The following CDC42BPA variants were observed in gnomAD, a reference collection of about 807,000 sequenced individuals.
CDC42BPA encodes the protein serine/threonine-protein kinase MRCK alpha.
A neutral mutation model predicts 223.5 loss-of-function variants in CDC42BPA; 80 were observed. The ratio of observed to expected loss-of-function variants is 0.36; its 90% CI spans 0.30 to 0.43. The LOEUF (loss-of-function observed/expected upper bound fraction) is 0.43. CDC42BPA is among the 20% of genes least tolerant of loss of function. The pLI, the probability that CDC42BPA is intolerant of heterozygous loss-of-function variation, is 1.00. For missense variants in CDC42BPA, 1,743 were observed against 2,099.9 expected (o/e 0.83, Z 3.32); for synonymous variants, 694 against 718.6 (o/e 0.97, Z 0.55).
chr1:227,077,343 C>T (rs77597627), intron 17 of CDC42BPA, among the ~76,000 whole-genome samples: 7 of 152,240 alleles, frequency 4.6e-5, no homozygotes, highest in African/African-American at 1.7e-4. Context: ...ATGACCAGAA[C>T]ACTCTTATGT....
chr1:227,306,017 A>G (rs1692475318), intron 1 of CDC42BPA, among the ~76,000 whole-genome samples: 1 of 152,112 alleles, frequency 6.6e-6, no homozygotes, highest in South Asian at 2.1e-4. Flanking sequence ...AAACAGGATC[A>G]TATTAAAAAT....
intron 16 of CDC42BPA, among the ~76,000 whole-genome samples, chr1:227,085,760 G>T (rs1022817050): frequency 1.3e-5 from 2 of 152,198 alleles, no homozygotes; most frequent in Admixed American, 1.3e-4. Flanking sequence ...GCAAACAAGA[G>T]ATTTAAGTTT....
intron 9 of CDC42BPA, among the ~76,000 whole-genome samples, chr1:227,142,651 G>A (rs1659905689): frequency 6.7e-6 from 1 of 149,746 alleles, no homozygotes; most frequent in Non-Finnish European, 1.5e-5. Flanking sequence ...ACAGAGTCTC[G>A]CTCTGTCACC....
chr1:227,011,154 T>C, intron 34 of CDC42BPA: 2 of 580,266 alleles, frequency 3.4e-6, no homozygotes, highest in Non-Finnish European at 2.5e-6. Flanking sequence ...ACAAATGGAA[T>C]AGTATCTGAT....
In CDC42BPA at chr1:227,172,766, T is replaced by TA. The variant is rs1013400030; in HGVS notation, c.600-12131dup. ...TATTTCAAAATAAGGTTTTCTAAGCTAAAAAAAAATCATCTTGAGCAAATT... is the reference window on the plus strand; with the variant it reads ...TATTTCAAAATAAGGTTTTCTAAGCTAAAAAAAAAATCATCTTGAGCAAATT... On this transcript the variant is annotated intron_variant, in intron 5 of 36. Coordinates refer to ENST00000366766, the MANE Select transcript of CDC42BPA (RefSeq NM_001394014.1). 2.1e-4 allele frequency among the ~76,000 whole-genome samples: 32 copies of TA among 151,300 alleles called. No individual in the cohort carries two copies. The East Asian group carries it at 2.3e-3, about 11-fold the overall frequency.
At chr1:226,996,782 A>G (rs1347999087) in intron 35 of CDC42BPA, among the ~76,000 whole-genome samples, 1 of 152,202 alleles carries the variant, frequency 6.6e-6, no homozygotes, top group Non-Finnish European at 1.5e-5. Context: ...CGTATGTGGA[A>G]CCAGTCTTGC....
At chr1:227,309,066 T>C (rs1693057472) in intron 1 of CDC42BPA, among the ~76,000 whole-genome samples, 1 of 151,456 alleles carries the variant, frequency 6.6e-6, no homozygotes, top group Non-Finnish European at 1.5e-5. Context: ...TAAATCTAAA[T>C]CAGAAAAAAG....
At chr1:227,096,722 T>G (rs772462981) in intron 15 of CDC42BPA, among the ~76,000 whole-genome samples, 6 of 152,230 alleles carry the variant, frequency 3.9e-5, no homozygotes, top group Non-Finnish European at 8.8e-5. Flanking sequence ...CCATCCTTCC[T>G]GTAAATATCA....
At chr1:227,059,768 T>C (rs1233887057) in intron 21 of CDC42BPA, among the ~76,000 whole-genome samples, 1 of 152,166 alleles carries the variant, frequency 6.6e-6, no homozygotes, top group Non-Finnish European at 1.5e-5. Flanking sequence ...CTGGCAAACA[T>C]TCAATAAAAT....
rs558550051 is a variant in CDC42BPA, at chr1:227,133,276, G to T, written c.1391-4045C>A. 6.0e-5 allele frequency among the ~76,000 whole-genome samples: 9 copies of T among 151,126 alleles called. No individual in the cohort carries two copies. In the South Asian group the frequency reaches 1.9e-3, roughly 32 times the overall value. ...GGGAGGTGAGGGGCGCCTCTGCCCG[G>T]CCGCCCCTACTGGGAAGTGAGGAGC... On this transcript the variant is annotated intron_variant, in intron 10 of 36. Transcript: ENST00000366766.
intron 22 of CDC42BPA, among the ~76,000 whole-genome samples, chr1:227,050,167 T>C (rs1673250751): frequency 6.6e-6 from 1 of 151,782 alleles, no homozygotes; most frequent in Non-Finnish European, 1.5e-5. Context: ...ATAAGAAAAA[T>C]GATTCAATAG....
intron 2 of CDC42BPA, among the ~76,000 whole-genome samples, chr1:227,244,044 G>A (rs964913414): frequency 2.0e-5 from 3 of 151,070 alleles, no homozygotes; most frequent in East Asian, 1.9e-4. Flanking sequence ...CCATGTTAGC[G>A]AGGTTATAAA....
chr1:227,047,999 G>T lies in CDC42BPA; in HGVS notation c.3021C>A (p.Ser1007=). The stretch of plus-strand genomic sequence containing the variant: ...TTGGTGTGTGAACTGAAAGTGGAGT[G>T]GAGTCTACAGTCTGAACCCAGGAGC... ...SEAEPVKTVD[S]TPLSVHTPTL... Residue 1007 remains serine (S), a synonymous_variant, in exon 23 of 37, where the codon TCC becomes TCA. Transcript: ENST00000366766. 7.5e-6 allele frequency: 12 copies of T among 1,607,048 alleles called. No homozygotes were observed. Among genetic ancestry groups the T allele is most frequent in the Non-Finnish European group, 1.0e-5 (12 of 1,174,510 alleles).
chr1:227,129,810 GAACATCACCATGTGATAACTC>G (rs1329437323), intron 10 of CDC42BPA, among the ~76,000 whole-genome samples: 1 of 149,928 alleles, frequency 6.7e-6, no homozygotes. Context: ...CTCCTAGTAG[GAACATCACCATGTGATAACTC>G]AAAAGCCTGG....
At chr1:227,188,267 C>G (rs1006379887) in intron 5 of CDC42BPA, among the ~76,000 whole-genome samples, 1 of 151,204 alleles carries the variant, frequency 6.6e-6, no homozygotes, top group East Asian at 1.9e-4. Flanking sequence ...TCTGTTATTA[C>G]AAGGTACTTC....
Position 227,139,599 on chromosome 1 carries a change from A to G in CDC42BPA, c.1367T>C (p.Leu456Pro), listed in dbSNP as rs1659302380. The change falls in exon 10 of 37, where the codon CTT becomes CCT. Residue 456 changes from leucine (L) to proline (P), a missense_variant. Transcript: ENST00000366766. ...ACCTTGAAGTTTTCTACTGAGTTCA[A>G]GTTTTTCTTGCTCAAGGCGCTTAAT... The part of the protein sequence containing the change: ...RRIKRLEQEK[L>P]ELSRKLQEST... 3 of 1,597,354 alleles carry G rather than the reference A, an allele frequency of 1.9e-6. No homozygotes were observed. Among genetic ancestry groups the G allele is most frequent in the Non-Finnish European group, 2.6e-6 (3 of 1,174,242 alleles).
intron 17 of CDC42BPA, among the ~76,000 whole-genome samples, chr1:227,079,419 A>C (rs1680178604): frequency 6.6e-6 from 1 of 152,100 alleles, no homozygotes; most frequent in Non-Finnish European, 1.5e-5. Flanking sequence ...AGACACTTGA[A>C]AAAATCAGTA....
intron 10 of CDC42BPA, among the ~76,000 whole-genome samples, chr1:227,130,715 C>T (rs1302141488): frequency 6.6e-6 from 1 of 152,176 alleles, no homozygotes; most frequent in African/African-American, 2.4e-5. Flanking sequence ...ATTAGCCACG[C>T]ATGGTGGTGC....
At chr1:227,213,431 T>C (rs1674285546) in intron 2 of CDC42BPA, among the ~76,000 whole-genome samples, 1 of 152,072 alleles carries the variant, frequency 6.6e-6, no homozygotes, top group South Asian at 2.1e-4. Context: ...GAATGCTGTA[T>C]TAGTTGGTAT....
Sources: allele counts gnomAD v4.1 joint callset (sites outside exome capture counted in the v4.1 genomes callset), GRCh38; gene constraint gnomAD v4.1.1; transcripts MANE v1.5; gene names NCBI Gene and HGNC (gene_info 2026-07-23, HGNC 2026-07-21).